RNF14: variants seen among roughly 807,000 people sequenced by gnomAD.
RNF14 encodes the protein E3 ubiquitin-protein ligase RNF14.
A neutral mutation model predicts 52.6 loss-of-function variants in RNF14; 26 were observed. The ratio of observed to expected loss-of-function variants is 0.49; its 90% CI spans 0.36 to 0.69. The LOEUF is 0.69. RNF14 is among the 30% of genes least tolerant of loss of function. RNF14 has a pLI of 0.00. For synonymous variants in RNF14, 194 were observed against 202.0 expected (o/e 0.96, Z 0.34); for missense variants, 404 against 560.4 (o/e 0.72, Z 2.82).
At position 141,984,847 on chromosome 5, in the gene RNF14, A is replaced by G. The variant is rs772714133; in HGVS notation, c.1281A>G (p.Gln427=). 148 of 1,613,384 alleles carry G rather than the reference A, an allele frequency of 9.2e-5. No homozygotes were observed. Among genetic ancestry groups the G allele is most frequent in the Non-Finnish European group, 1.2e-4 (141 of 1,179,486 alleles). The change falls in exon 8 of 9, where the codon CAA becomes CAG. Residue 427 remains glutamine, a synonymous_variant. Coordinates refer to ENST00000394520, the MANE Select transcript of RNF14 (RefSeq NM_004290.5). ...CNKMTCTGCM[Q]YFCWICMGSL... The stretch of plus-strand genomic sequence containing the variant: ...AGATGACATGTACTGGCTGTATGCA[A>G]TATTTCTGTTGGATTTGCATGGGTT...
chr5:141,958,036 T>C (rs943084408), upstream of RNF14: 16 of 663,838 alleles, frequency 2.4e-5, no homozygotes, highest in African/African-American at 9.1e-5. Context: ...GCCATCTTCA[T>C]TGGAAGCGAT....
At chr5:141,950,331 C>T in the RNF14 span, among the ~76,000 whole-genome samples, 1 of 152,154 alleles carries the variant, frequency 6.6e-6, no homozygotes, top group Admixed American at 6.5e-5. Context: ...AGGAGTCCTT[C>T]TGTTTGTTTG....
At chr5:141,950,269 C>G in the RNF14 span, among the ~76,000 whole-genome samples, 4 of 152,152 alleles carry the variant, frequency 2.6e-5, no homozygotes, top group Non-Finnish European at 5.9e-5. Flanking sequence ...GGGGACAGGC[C>G]TGGACCCTCA....
chr5:141,950,224 G>C, the RNF14 span, among the ~76,000 whole-genome samples: 1 of 152,294 alleles, frequency 6.6e-6, no homozygotes, highest in South Asian at 2.1e-4. Flanking sequence ...GTCTCCTGCT[G>C]TCTCCATCCT....
chr5:141,984,655 A>G (rs893159740), intron 7 of RNF14, 148 bp from the exon 8 acceptor site: 4 of 592,398 alleles, frequency 6.8e-6, no homozygotes, highest in South Asian at 6.0e-5. Context: ...AAAGAATTAC[A>G]TAGTCATCAG....
chr5:141,960,219 C>T (rs946463250), intron 1 of RNF14, among the ~76,000 whole-genome samples: 1 of 152,168 alleles, frequency 6.6e-6, no homozygotes, highest in South Asian at 2.1e-4. Context: ...AATCGTCCCC[C>T]TGTGTGCCTG....
At chr5:141,957,356 G>A, upstream of RNF14, 2 of 1,613,802 alleles carry the variant, frequency 1.2e-6, no homozygotes, top group South Asian at 1.1e-5. This position sits in a 1 kb window ranked among gnomAD's most constrained non-coding sequence, Gnocchi z 4.3. Flanking sequence ...AGGGTGTTAG[G>A]GCCTGTGTCT....
Position 141,973,716 on chromosome 5 carries a change from C to T in RNF14, c.128C>T (p.Pro43Leu). ...GAAACCAGGATCTATTTGGATTTGC[C>T]ACAGAATTTCAAGATATTTGTGAGC... ...GGETRIYLDLPQNFKIFVSGN... is the reference protein window; with the variant it reads ...GGETRIYLDLLQNFKIFVSGN... Residue 43 changes from proline (P) to leucine (L), a missense_variant, in exon 3 of 9, where the codon CCA (proline) becomes CTA (leucine). Transcript: ENST00000394520. 2 of 1,608,524 alleles carry T rather than the reference C, an allele frequency of 1.2e-6. No individual in the cohort carries two copies. The highest frequency in any genetic ancestry group is 1.7e-6 in the Non-Finnish European group (2 of 1,178,390).
rs190363883 is a variant in RNF14, at chr5:141,980,034, C to A, written c.835-89C>A. 1.3e-4 allele frequency: 127 copies of A among 987,478 alleles called. No homozygotes were observed. In the African/African-American group the frequency reaches 1.8e-3, roughly 14 times the overall value. 61.2% of individuals were successfully genotyped at this position (987,478 alleles called of 1,614,324 possible). ...GAGAGGTTTTAATTTATGTGCCCATCTGGTTTACACTAGCATCCTAAGAAT... is the reference window on the plus strand; with the variant it reads ...GAGAGGTTTTAATTTATGTGCCCATATGGTTTACACTAGCATCCTAAGAAT... On this transcript the variant is annotated intron_variant, in intron 5 of 8. Coordinates refer to ENST00000394520, the MANE Select transcript of RNF14 (RefSeq NM_004290.5).
upstream of RNF14, chr5:141,956,561 AC>A: frequency 1.2e-6 from 2 of 1,614,080 alleles, no homozygotes; most frequent in Admixed American, 1.7e-5. Context: ...TCTTGGGCTA[AC>A]AGAGTGAGGG....
At chr5:141,957,333 A>C, upstream of RNF14, 1 of 1,613,510 alleles carries the variant, frequency 6.2e-7, no homozygotes, top group Non-Finnish European at 8.5e-7. This position sits in a 1 kb window ranked among gnomAD's most constrained non-coding sequence, Gnocchi z 4.3. Context: ...TGGGAGACAG[A>C]GTGTAGGTGT....
chr5:141,985,586 C>T (rs989371886), intron 8 of RNF14, among the ~76,000 whole-genome samples: 8 of 151,958 alleles, frequency 5.3e-5, no homozygotes, highest in South Asian at 2.1e-4. Context: ...GTCAGAGTCT[C>T]GCTCTGTCGC....
At chr5:141,951,022 T>C in the RNF14 span, among the ~76,000 whole-genome samples, 1 of 152,198 alleles carries the variant, frequency 6.6e-6, no homozygotes, top group Admixed American at 6.5e-5. Context: ...AGTTTCTCCA[T>C]CCGTAACAAG....
chr5:141,984,596 T>C (rs1207322699), intron 7 of RNF14, among the ~76,000 whole-genome samples: 1 of 152,206 alleles, frequency 6.6e-6, no homozygotes. Context: ...AAGTAACTAA[T>C]TGTAGTAACA....
upstream of RNF14, among the ~76,000 whole-genome samples, chr5:141,964,762 C>T (rs1052965198): frequency 9.0e-4 from 134 of 149,216 alleles, 1 homozygote; most frequent in African/African-American, 3.1e-3. Context: ...TACAGGTGCC[C>T]GCCACCAAGC....
At chr5:141,985,612 G>A (rs1561559930) in intron 8 of RNF14, among the ~76,000 whole-genome samples, 1 of 152,172 alleles carries the variant, frequency 6.6e-6, no homozygotes, top group East Asian at 1.9e-4. Context: ...CTGGAGTGCA[G>A]TGGTGCCGTC....
At position 141,980,371 on chromosome 5, in the gene RNF14, C is replaced by G; in HGVS notation, c.1063+20C>G. 6.4e-7 allele frequency: 1 copy of G among 1,570,330 alleles called. No individual in the cohort carries two copies. The highest frequency in any genetic ancestry group is 1.7e-5 in the Admixed American group (1 of 59,844). On this transcript the variant is annotated intron_variant, in intron 6 of 8. Transcript: ENST00000394520. ...CTGCAGGTATGTTTTAACTGTGAACCCAAACCCCCATCCCCAGTCTCTCCC... is the reference window on the plus strand; with the variant it reads ...CTGCAGGTATGTTTTAACTGTGAACGCAAACCCCCATCCCCAGTCTCTCCC...
chr5:141,956,342 C>A, upstream of RNF14: 2 of 1,614,232 alleles, frequency 1.2e-6, no homozygotes, highest in Non-Finnish European at 1.7e-6. Flanking sequence ...AAGTGAGCAA[C>A]TGGGGAGTCC....
In RNF14 at chr5:141,970,726, T is replaced by G. The variant is rs1045648106; in HGVS notation, c.-158T>G. 3 of 152,372 alleles carry G rather than the reference T, an allele frequency of 2.0e-5. No individual in the cohort carries two copies. Among genetic ancestry groups the G allele is most frequent in the Non-Finnish European group, 4.4e-5 (3 of 68,046 alleles). The allele number at this position is 152,372 out of a possible 1,614,324, so 9.4% of individuals were successfully genotyped here. The stretch of plus-strand genomic sequence containing the variant: ...CAGATGGCAGGATTTTCATAATATA[T>G]GTAGTATGAGTTCCACATCTTGGCC... On this transcript the variant is annotated 5_prime_UTR_variant, in exon 2 of 9. An upstream start codon of the reference 5' UTR is lost. Transcript: ENST00000394520.
Sources: gnomAD v4.1 joint callset for allele counts (sites outside exome capture counted in the v4.1 genomes callset) on GRCh38, gnomAD v4.1.1 for gene constraint, Gnocchi (gnomAD v3.1) non-coding constraint, MANE v1.5 for transcripts, NCBI Gene and HGNC (gene_info 2026-07-23, HGNC 2026-07-21) for gene names.